Variants in GMEB1 observed in about 807,000 individuals in gnomAD.
The protein encoded by GMEB1 is glucocorticoid modulatory element-binding protein 1.
In GMEB1, 6 loss-of-function variants were observed where a neutral mutation model predicts 52.4. That is an observed-to-expected ratio of 0.11 (90% CI 0.06 to 0.23). The LOEUF is 0.23. Among genes scored for constraint, GMEB1 ranks in the 10% least tolerant of loss-of-function variants. The probability of loss-of-function intolerance (pLI) is 1.00; values close to 1 mark genes in which losing one functional copy is unlikely to be tolerated. For synonymous variants in GMEB1, 255 were observed against 244.9 expected, an observed-to-expected ratio of 1.04 and a Z score of -0.38; for missense variants, 486 against 685.6, an observed-to-expected ratio of 0.71 and a Z score of 3.25.
chr1:28,687,365 C>T, intron 2 of GMEB1, among the ~76,000 whole-genome samples: 1 of 47,110 alleles, frequency 2.1e-5, no homozygotes, highest in African/African-American at 1.1e-4. Context: ...CACACACACA[C>T]ACACACACAC....
chr1:28,669,254 G>T (rs1668767013), intron 1 of GMEB1, among the ~76,000 whole-genome samples: 1 of 151,748 alleles, frequency 6.6e-6, no homozygotes, highest in Non-Finnish European at 1.5e-5. Context: ...AGGGCCAGGC[G>T]CCCAGGACCC....
At position 28,717,842 on chromosome 1, in the gene GMEB1, A is replaced by G. The variant is rs187966851; in HGVS notation, c.*3069A>G. 2.0e-5 allele frequency: 3 copies of G among 152,308 alleles called. No individual in the cohort carries two copies. Among genetic ancestry groups the G allele is most frequent in the African/African-American group, 7.2e-5 (3 of 41,562 alleles). 9.4% of individuals were successfully genotyped at this position (152,308 alleles called of 1,614,324 possible). A position where few individuals can be genotyped will look rare whatever the true frequency, so the allele number is the denominator to read the frequency against. On this transcript the variant is annotated 3_prime_UTR_variant, in exon 10 of 10. Transcript: ENST00000373816. Reference sequence around the variant, plus strand: ...GAGCCCTCGTGAATACCAACGTGCTAGCTCAGGTTCCCTTCTTTCCTCCAT... The same window carrying G: ...GAGCCCTCGTGAATACCAACGTGCTGGCTCAGGTTCCCTTCTTTCCTCCAT...
intron 1 of GMEB1, among the ~76,000 whole-genome samples, chr1:28,669,048 G>C (rs1668746547): frequency 7.2e-6 from 1 of 139,352 alleles, no homozygotes; most frequent in Non-Finnish European, 1.6e-5. Flanking sequence ...GGGGTGGGGG[G>C]ACGCTGCCGC....
intron 1 of GMEB1, among the ~76,000 whole-genome samples, chr1:28,670,384 A>G (rs995016924): frequency 2.6e-5 from 4 of 151,392 alleles, no homozygotes; most frequent in Admixed American, 2.6e-4. Flanking sequence ...CTGGAGTGCA[A>G]TGGCGCGATC....
chr1:28,693,278 G>C (rs1054556297), intron 5 of GMEB1, among the ~76,000 whole-genome samples: 2 of 151,714 alleles, frequency 1.3e-5, no homozygotes, highest in African/African-American at 4.8e-5. Context: ...GAGTGCAGTG[G>C]CATGATCTTG....
rs529732781 is a variant in GMEB1 at position 28,679,119 on chromosome 1, C to T, written c.-30-4464C>T. ...CAGGATGGTCTCAATCTCTTGATCT[C>T]GTGATCCGCCCGTCTCGACCTCCCA... On this transcript the variant is annotated intron_variant, in intron 1 of 9. Coordinates refer to ENST00000373816, the MANE Select transcript of GMEB1 (RefSeq NM_001319674.2). 2.2e-4 allele frequency among the ~76,000 whole-genome samples: 34 copies of T among 151,530 alleles called. 1 individual carries two copies. The South Asian group carries it at 4.8e-3, about 21-fold the overall frequency.
At position 28,714,983 on chromosome 1, in the gene GMEB1, G is replaced by A. The variant is rs751126100; in HGVS notation, c.*210G>A. The A allele has an allele frequency of 1.8e-6, 1 of 549,160 alleles. No individual in the cohort carries two copies. The highest frequency in any genetic ancestry group is 1.9e-5 in the African/African-American group (1 of 53,080). The allele number at this position is 549,160 out of a possible 1,614,324, so 34.0% of individuals were successfully genotyped here. A position where few individuals can be genotyped will look rare whatever the true frequency, so the allele number is the denominator to read the frequency against. On this transcript the variant is annotated 3_prime_UTR_variant, in exon 10 of 10. Coordinates refer to ENST00000373816, the MANE Select transcript of GMEB1 (RefSeq NM_001319674.2). ...CTGCCCTTCCAGAAGTTGAGAGTAGGTCATTCAATGTCCTAATCATCTTAC... is the reference window on the plus strand; with the variant it reads ...CTGCCCTTCCAGAAGTTGAGAGTAGATCATTCAATGTCCTAATCATCTTAC...
chr1:28,714,931 C>T lies in GMEB1; in HGVS notation c.*158C>T. ...CTGAAAATGTTGGGTTCTTCCCACTCCCTCATTGAAAAATGGACAAAACAA... is the reference window on the plus strand; with the variant it reads ...CTGAAAATGTTGGGTTCTTCCCACTTCCTCATTGAAAAATGGACAAAACAA... On this transcript the variant is annotated 3_prime_UTR_variant, in exon 10 of 10. Transcript: ENST00000373816. The T allele has an allele frequency of 1.6e-6, 1 of 610,672 alleles. No individual in the cohort carries two copies. Among genetic ancestry groups the T allele is most frequent in the Non-Finnish European group, 2.8e-6 (1 of 356,018 alleles). The allele number at this position is 610,672 out of a possible 1,614,324, so 37.8% of individuals were successfully genotyped here.
In GMEB1 at chr1:28,669,303, C is replaced by T. The variant is rs1365857814; in HGVS notation, c.-31+464C>T. 2.6e-5 allele frequency among the ~76,000 whole-genome samples: 4 copies of T among 151,906 alleles called. No homozygotes were observed. In the South Asian group the frequency reaches 8.3e-4, roughly 31 times the overall value. On this transcript the variant is annotated intron_variant, in intron 1 of 9. Coordinates refer to ENST00000373816, the MANE Select transcript of GMEB1 (RefSeq NM_001319674.2). ...GGGGAGCCTGGGGTATCCCCAAAGG[C>T]GGGGTCCGGGGAGCACCGGGCCCTT...
At chr1:28,692,842 A>AT (rs1570408524) in intron 4 of GMEB1, 100 bp from the exon 5 acceptor site, 2 of 581,364 alleles carry the variant, frequency 3.4e-6, no homozygotes, top group East Asian at 5.9e-5. Context: ...TCATCTGGGT[A>AT]TTTTTTATAC....
At chr1:28,694,806 G>A (rs558465888) in intron 5 of GMEB1, among the ~76,000 whole-genome samples, 1 of 151,940 alleles carries the variant, frequency 6.6e-6, no homozygotes, top group South Asian at 2.1e-4. Context: ...TGGGATTACA[G>A]GAGCACGCCA....
chr1:28,682,218 G>T (rs1248182899), intron 1 of GMEB1, among the ~76,000 whole-genome samples: 1 of 152,070 alleles, frequency 6.6e-6, no homozygotes. Context: ...ACAATGCTTG[G>T]AGTAACTTTA....
At chr1:28,712,923 C>T (rs1203523157) in intron 9 of GMEB1, among the ~76,000 whole-genome samples, 6 of 151,010 alleles carry the variant, frequency 4.0e-5, no homozygotes, top group South Asian at 2.1e-4. Flanking sequence ...GAGGCCTAGG[C>T]GGGCAGATCA....
intron 6 of GMEB1, among the ~76,000 whole-genome samples, chr1:28,698,932 C>T (rs754450374): frequency 1.4e-4 from 21 of 151,860 alleles, no homozygotes; most frequent in Admixed American, 2.6e-4. Flanking sequence ...TGCAGTGAGC[C>T]GAGATCGTCC....
chr1:28,675,163 G>A lies in GMEB1; in HGVS notation c.-31+6324G>A, dbSNP rs980954050. Reference sequence around the variant, plus strand: ...CTCCCAAGTAGCTGGGACTACAGGCGTGCGCTACCACGCTGAGCTAATTTT... The same window carrying A: ...CTCCCAAGTAGCTGGGACTACAGGCATGCGCTACCACGCTGAGCTAATTTT... On this transcript the variant is annotated intron_variant, in intron 1 of 9. Transcript: ENST00000373816. Among the ~76,000 whole-genome samples, 98 of 151,570 alleles carry A rather than the reference G, an allele frequency of 6.5e-4. 1 individual carries two copies. The highest frequency in any genetic ancestry group is 2.3e-3 in the African/African-American group (93 of 41,308).
intron 6 of GMEB1, among the ~76,000 whole-genome samples, chr1:28,698,607 G>A (rs1456912621): frequency 7.9e-5 from 12 of 151,618 alleles, no homozygotes; most frequent in Non-Finnish European, 1.0e-4. Context: ...CCCAGGAGGC[G>A]GAGCTTGCAG....
At chr1:28,698,980 CA>C (rs200233197) in intron 6 of GMEB1, among the ~76,000 whole-genome samples, 1 of 148,990 alleles carries the variant, frequency 6.7e-6, no homozygotes, top group Non-Finnish European at 1.5e-5. Flanking sequence ...GACTCTGTCT[CA>C]AAAAAAAAGG....
chr1:28,672,253 C>T (rs1359699580), intron 1 of GMEB1, among the ~76,000 whole-genome samples: 2 of 147,436 alleles, frequency 1.4e-5, no homozygotes, highest in Non-Finnish European at 3.0e-5. Flanking sequence ...CGGAGTCTCA[C>T]TCTGTCGCCC....
intron 1 of GMEB1, among the ~76,000 whole-genome samples, chr1:28,679,734 G>C (rs996719328): frequency 3.3e-5 from 5 of 151,810 alleles, no homozygotes; most frequent in Non-Finnish European, 5.9e-5. Flanking sequence ...AGCTGCCTAA[G>C]CAAATTTATA....
Sources: allele counts gnomAD v4.1 joint callset (sites outside exome capture counted in the v4.1 genomes callset), GRCh38; gene constraint gnomAD v4.1.1; transcripts MANE v1.5; gene names NCBI Gene and HGNC (gene_info 2026-07-23, HGNC 2026-07-21).